Variants in GOT1 observed in about 807,000 individuals in gnomAD.
GOT1 encodes the protein aspartate aminotransferase, cytoplasmic.
A neutral mutation model predicts 48.2 loss-of-function variants in GOT1; 25 were observed. The observed-to-expected ratio is 0.52, with a 90% CI of 0.38 to 0.72. The LOEUF is 0.72. GOT1 is among the 30% of genes least tolerant of loss of function. GOT1 has a pLI of 0.00. For synonymous variants in GOT1, 188 were observed against 193.8 expected (o/e 0.97, Z 0.25); for missense variants, 380 against 520.1 (o/e 0.73, Z 2.62).
intron 2 of GOT1, 94 bp downstream of exon 2, chr10:99,420,530 A>T: frequency 1.1e-6 from 1 of 930,458 alleles, no homozygotes; most frequent in Non-Finnish European, 1.6e-6. Context: ...GCAGTTCAAT[A>T]GACATAACGC....
chr10:99,415,111 C>T lies in GOT1; in HGVS notation c.300+5513G>A, dbSNP rs1373340812. 2.6e-5 allele frequency among the ~76,000 whole-genome samples: 4 copies of T among 152,010 alleles called. No homozygotes were observed. In the South Asian group the frequency reaches 6.3e-4, roughly 24 times the overall value. ...AAGATCAGAGCAGAACTGAAGGAGA[C>T]AGAGACACAAAAAACCCTTCAAAAA... On this transcript the variant is annotated intron_variant, in intron 2 of 8. Coordinates refer to ENST00000370508, the MANE Select transcript of GOT1 (RefSeq NM_002079.3).
intron 1 of GOT1, among the ~76,000 whole-genome samples, chr10:99,429,564 A>G (rs182133263): frequency 6.6e-6 from 1 of 152,214 alleles, no homozygotes; most frequent in African/African-American, 2.4e-5. Flanking sequence ...ACGTGGCAAA[A>G]TCCAAATGGA....
At chr10:99,429,652 G>A (rs1412412359) in intron 1 of GOT1, among the ~76,000 whole-genome samples, 2 of 152,174 alleles carry the variant, frequency 1.3e-5, no homozygotes, top group African/African-American at 4.8e-5. Flanking sequence ...AGGGTTAGGG[G>A]TAAAAAATTT....
chr10:99,419,201 A>G (rs1198927119), intron 2 of GOT1, among the ~76,000 whole-genome samples: 2 of 152,206 alleles, frequency 1.3e-5, no homozygotes, highest in Non-Finnish European at 2.9e-5. Flanking sequence ...GGTTTCCTCA[A>G]TGCATGAATT....
chr10:99,414,511 G>A (rs2032868816), intron 2 of GOT1, among the ~76,000 whole-genome samples: 1 of 152,080 alleles, frequency 6.6e-6, no homozygotes, highest in South Asian at 2.1e-4. Flanking sequence ...ACACCCCACT[G>A]TCAACATTAG....
chr10:99,397,361 T>G lies in GOT1; in HGVS notation c.*186A>C. The G allele has an allele frequency of 1.5e-6, 1 of 648,110 alleles. No individual in the cohort carries two copies. The highest frequency in any genetic ancestry group is 2.8e-6 in the Non-Finnish European group (1 of 358,474). The allele number at this position is 648,110 out of a possible 1,614,324, so 40.1% of individuals were successfully genotyped here. A position where few individuals can be genotyped will look rare whatever the true frequency, so the allele number is the denominator to read the frequency against. Reference sequence around the variant, plus strand: ...TGACCTCCAAAGGCTCTAATCCCAGTCTCCAAATTCGTCTCAAGGGATGTT... The same window carrying G: ...TGACCTCCAAAGGCTCTAATCCCAGGCTCCAAATTCGTCTCAAGGGATGTT... On this transcript the variant is annotated 3_prime_UTR_variant, in exon 9 of 9. Coordinates refer to ENST00000370508, the MANE Select transcript of GOT1 (RefSeq NM_002079.3). The surrounding 1 kb of genome is among the most constrained non-coding windows in gnomAD (Gnocchi z 5.4).
intron 3 of GOT1, 79 bp from the exon 4 acceptor site, chr10:99,406,328 A>T: frequency 1.0e-6 from 1 of 997,438 alleles, no homozygotes; most frequent in South Asian, 1.3e-5. Context: ...GTCAGCTTCC[A>T]GGGCCCTCCC....
In GOT1 at chr10:99,403,644, G is replaced by A. The variant is rs370209718; in HGVS notation, c.794-10C>T. On this transcript the variant is annotated splice_polypyrimidine_tract_variant and intron_variant, in intron 6 of 8. Coordinates refer to ENST00000370508, the MANE Select transcript of GOT1 (RefSeq NM_002079.3). ...TTCCCGACTCTCTCATCTAAAGAGA[G>A]GGACCAGAATCAGCTGTGGCTGCTG... The A allele has an allele frequency of 1.4e-4, 218 of 1,614,084 alleles. No individual in the cohort carries two copies. The highest frequency in any genetic ancestry group is 1.6e-4 in the Non-Finnish European group (187 of 1,179,938).
intron 2 of GOT1, among the ~76,000 whole-genome samples, chr10:99,416,808 G>C (rs1447792621): frequency 6.6e-6 from 1 of 152,148 alleles, no homozygotes; most frequent in Non-Finnish European, 1.5e-5. Context: ...TGACAAACCT[G>C]ACAAAAACAA....
chr10:99,419,397 C>T (rs1229633054), intron 2 of GOT1, among the ~76,000 whole-genome samples: 2 of 152,316 alleles, frequency 1.3e-5, no homozygotes, highest in East Asian at 3.9e-4. Flanking sequence ...GTTGGCTTCT[C>T]CTGCCCTGGC....
Position 99,430,450 on chromosome 10 carries a change from C to G in GOT1, c.116G>C (p.Gly39Ala). 1.9e-6 allele frequency: 3 copies of G among 1,606,876 alleles called. No individual in the cohort carries two copies. The highest frequency in any genetic ancestry group is 2.6e-6 in the Non-Finnish European group (3 of 1,175,690). Residue 39 changes from glycine to alanine, a missense_variant and splice_region_variant, in exon 1 of 9, where the codon GGA (glycine) becomes GCA (alanine). Physicochemically the swap from Gly to Ala is moderately conservative, Grantham distance 60. Coordinates refer to ENST00000370508, the MANE Select transcript of GOT1 (RefSeq NM_002079.3). Reference sequence around the variant, plus strand: ...ACTCCAGAGCACTACATCCTTACCTCCCACTCCCAGGTTGACCTTGCGGGG... The same window carrying G: ...ACTCCAGAGCACTACATCCTTACCTGCCACTCCCAGGTTGACCTTGCGGGG... The part of the protein sequence containing the change: ...PDPRKVNLGV[G>A]AYRTDDCHPW...
chr10:99,430,401 C>A (rs1450644258), intron 1 of GOT1, 47 bp downstream of exon 1: 1 of 1,602,272 alleles, frequency 6.2e-7, no homozygotes, highest in East Asian at 2.2e-5. Context: ...GGGTTGGGTC[C>A]GCTCCACTCC....
At chr10:99,425,735 T>C (rs2033030144) in intron 1 of GOT1, among the ~76,000 whole-genome samples, 1 of 152,050 alleles carries the variant, frequency 6.6e-6, no homozygotes, top group Non-Finnish European at 1.5e-5. Context: ...GACCAAGACC[T>C]AGAACACAAG....
intron 1 of GOT1, among the ~76,000 whole-genome samples, chr10:99,423,241 T>C (rs1193623953): frequency 1.3e-5 from 2 of 152,244 alleles, no homozygotes; most frequent in African/African-American, 4.8e-5. Flanking sequence ...TTCATAAATA[T>C]GAGCCATTTA....
intron 1 of GOT1, among the ~76,000 whole-genome samples, chr10:99,424,836 G>A (rs1282999840): frequency 6.6e-6 from 1 of 152,136 alleles, no homozygotes; most frequent in Non-Finnish European, 1.5e-5. Flanking sequence ...TCTCCTAACT[G>A]CCCTAGTGAA....
intron 8 of GOT1, among the ~76,000 whole-genome samples, chr10:99,401,190 AC>A (rs1483639065): frequency 6.6e-6 from 1 of 152,176 alleles, no homozygotes; most frequent in Non-Finnish European, 1.5e-5. Flanking sequence ...TATTTCTGTT[AC>A]ATGTAATATT....
intron 8 of GOT1, among the ~76,000 whole-genome samples, chr10:99,399,360 C>T (rs2032641784): frequency 6.6e-6 from 1 of 152,240 alleles, no homozygotes; most frequent in Non-Finnish European, 1.5e-5. Flanking sequence ...CTGCCATAAT[C>T]TGTTCTGGCA....
rs774226921 is a variant in GOT1 at position 99,430,476 on chromosome 10, G to T, written c.90C>A (p.Asp30Glu). The change falls in exon 1 of 9, where the codon GAC (aspartate) becomes GAA (glutamate). Residue 30 changes from aspartate to glutamate, a missense_variant. By Grantham distance (45) the Asp-to-Glu change is conservative. Coordinates refer to ENST00000370508, the MANE Select transcript of GOT1 (RefSeq NM_002079.3). Reference sequence around the variant, plus strand: ...CCACTCCCAGGTTGACCTTGCGGGGGTCCGGATCCTCCCTGAAGTCGGCAG... The same window carrying T: ...CCACTCCCAGGTTGACCTTGCGGGGTTCCGGATCCTCCCTGAAGTCGGCAG... ...KLTADFREDPDPRKVNLGVGA... is the reference protein window; with the variant it reads ...KLTADFREDPEPRKVNLGVGA... 7 of 1,611,514 alleles carry T rather than the reference G, an allele frequency of 4.3e-6. No individual in the cohort carries two copies. The South Asian group carries it at 4.4e-5, about 10-fold the overall frequency.
chr10:99,422,844 T>C (rs1048068643), intron 1 of GOT1, among the ~76,000 whole-genome samples: 13 of 152,272 alleles, frequency 8.5e-5, no homozygotes, highest in Non-Finnish European at 2.9e-5. Flanking sequence ...TGTTCTTTTT[T>C]ACAGCTGCTT....
Sources: allele counts gnomAD v4.1 joint callset (sites outside exome capture counted in the v4.1 genomes callset), GRCh38; gene constraint gnomAD v4.1.1; non-coding constraint Gnocchi (gnomAD v3.1); transcripts MANE v1.5; gene names NCBI Gene and HGNC (gene_info 2026-07-23, HGNC 2026-07-21).